Variants in CADM2 observed in about 807,000 individuals in gnomAD.
CADM2 encodes the protein cell adhesion molecule 2, also known as immunoglobulin superfamily member 4D.
Under a neutral mutation model 49.8 loss-of-function variants are expected in CADM2, and 12 were observed. That is an observed-to-expected ratio of 0.24 (90% CI 0.15 to 0.39). The LOEUF is 0.39. CADM2 is among the 10% of genes least tolerant of loss of function. CADM2 has a pLI of 1.00. For missense variants in CADM2, 378 were observed against 492.3 expected (o/e 0.77, Z 2.20); for synonymous variants, 214 against 175.4 (o/e 1.22, Z -1.74).
intron 1 of CADM2, among the ~76,000 whole-genome samples, chr3:85,338,227 T>C (rs1014442259): frequency 6.6e-6 from 1 of 151,652 alleles, no homozygotes; most frequent in African/African-American, 2.4e-5. Context: ...CGCATTAAAC[T>C]TGTGTGTCCC....
At chr3:85,565,946 T>G (rs2107205708) in intron 1 of CADM2, among the ~76,000 whole-genome samples, 1 of 152,200 alleles carries the variant, frequency 6.6e-6, no homozygotes, top group South Asian at 2.1e-4. Flanking sequence ...TCCACTAGAA[T>G]GTACAGTATG....
chr3:85,100,091 C>T (rs562755607), intron 1 of CADM2, among the ~76,000 whole-genome samples: 1 of 152,114 alleles, frequency 6.6e-6, no homozygotes, highest in South Asian at 2.1e-4. Flanking sequence ...CTCTGTTGCT[C>T]TAAATTTTTC....
intron 1 of CADM2, among the ~76,000 whole-genome samples, chr3:85,707,294 A>C (rs930751271): frequency 6.6e-6 from 1 of 151,856 alleles, no homozygotes; most frequent in Non-Finnish European, 1.5e-5. Context: ...GATTTGTCTA[A>C]TATGAGTTTC....
intron 1 of CADM2, among the ~76,000 whole-genome samples, chr3:85,077,999 T>C (rs531526142): frequency 1.3e-5 from 2 of 152,034 alleles, no homozygotes; most frequent in Non-Finnish European, 2.9e-5. Flanking sequence ...TTTATAACTT[T>C]TTGCTCCATT....
intron 1 of CADM2, among the ~76,000 whole-genome samples, chr3:84,999,148 T>C (rs965004076): frequency 1.3e-5 from 2 of 152,158 alleles, no homozygotes; most frequent in Non-Finnish European, 2.9e-5. Context: ...GAGAGGTTTA[T>C]GTATGCAATG....
intron 1 of CADM2, among the ~76,000 whole-genome samples, chr3:85,053,450 C>G (rs2035960255): frequency 6.6e-6 from 1 of 151,896 alleles, no homozygotes; most frequent in Admixed American, 6.6e-5. Context: ...ATTGAAAGAA[C>G]TGGGAGTGTT....
chr3:85,851,008 G>C (rs1352192561), intron 3 of CADM2, among the ~76,000 whole-genome samples: 1 of 152,080 alleles, frequency 6.6e-6, no homozygotes, highest in Non-Finnish European at 1.5e-5. Context: ...ATCCAGTTGA[G>C]AGTAGTCCTC....
At chr3:85,430,670 G>T (rs1301339757) in intron 1 of CADM2, among the ~76,000 whole-genome samples, 1 of 125,926 alleles carries the variant, frequency 7.9e-6, no homozygotes, top group Non-Finnish European at 1.7e-5. Context: ...AGAAAGAGGA[G>T]AAAGACAGAG....
At chr3:85,878,487 G>T (rs1307811682) in intron 3 of CADM2, among the ~76,000 whole-genome samples, 6 of 152,038 alleles carry the variant, frequency 3.9e-5, no homozygotes, top group African/African-American at 1.4e-4. Flanking sequence ...TTTCAGACAT[G>T]AAAATATCTA....
intron 1 of CADM2, among the ~76,000 whole-genome samples, chr3:85,569,737 G>A (rs901183622): frequency 6.7e-6 from 1 of 149,074 alleles, no homozygotes; most frequent in African/African-American, 2.4e-5. Context: ...AAAATAGAAT[G>A]AAATGAGAAA....
chr3:86,061,421 T>C (rs1440571235), intron 8 of CADM2, among the ~76,000 whole-genome samples: 1 of 152,046 alleles, frequency 6.6e-6, no homozygotes. Flanking sequence ...GTAAGTTACA[T>C]AAAATTATTG....
At chr3:86,064,524 A>C (rs543908836) in intron 8 of CADM2, among the ~76,000 whole-genome samples, 1 of 152,312 alleles carries the variant, frequency 6.6e-6, no homozygotes, top group East Asian at 1.9e-4. Context: ...ATGTGTGTGC[A>C]CGTGTCTTTA....
chr3:85,612,964 A>G, intron 1 of CADM2, among the ~76,000 whole-genome samples: 1 of 151,752 alleles, frequency 6.6e-6, no homozygotes, highest in Non-Finnish European at 1.5e-5. Context: ...GTTTAAGTAC[A>G]CTTCTAATTG....
chr3:85,361,435 A>G (rs557247530), intron 1 of CADM2, among the ~76,000 whole-genome samples: 6 of 152,162 alleles, frequency 3.9e-5, no homozygotes, highest in Non-Finnish European at 7.3e-5. Flanking sequence ...TCTCCAAATA[A>G]AATTGTTTTT....
chr3:85,737,102 T>A (rs2107812608), intron 2 of CADM2, among the ~76,000 whole-genome samples: 1 of 152,280 alleles, frequency 6.6e-6, no homozygotes, highest in South Asian at 2.1e-4. Context: ...AGCAGACACC[T>A]AGAATGACAG....
chr3:85,750,694 A>G (rs182318646), intron 2 of CADM2, among the ~76,000 whole-genome samples: 5 of 152,202 alleles, frequency 3.3e-5, no homozygotes, highest in African/African-American at 1.2e-4. Context: ...GTGCCATGGT[A>G]CAGAATATTT....
chr3:85,035,071 G>A (rs1032658163), intron 1 of CADM2, among the ~76,000 whole-genome samples: 4 of 151,964 alleles, frequency 2.6e-5, no homozygotes, highest in East Asian at 3.9e-4. Context: ...AAATTACTGG[G>A]ATTACAGGCA....
rs952876305 is a variant in CADM2 at position 86,068,385 on chromosome 3, T to C, written c.*1602T>C. ...CTAAAGAATAAAACTCCAGTTAGAT[T>C]TAAAAAAATCCCATTTACAAGCATT... is the stretch of plus-strand genomic sequence containing the variant. On this transcript the variant is annotated 3_prime_UTR_variant, in exon 10 of 10. Transcript: ENST00000383699. 5.9e-5 allele frequency: 9 copies of C among 151,926 alleles called. No individual in the cohort carries two copies. The highest frequency in any genetic ancestry group is 2.2e-4 in the African/African-American group (9 of 41,446). The allele number at this position is 151,926 out of a possible 1,614,324, so 9.4% of individuals were successfully genotyped here. A position where few individuals can be genotyped will look rare whatever the true frequency, so the allele number is the denominator to read the frequency against.
chr3:85,909,399 G>A (rs1717255764), intron 5 of CADM2, among the ~76,000 whole-genome samples: 1 of 95,246 alleles, frequency 1.0e-5, no homozygotes, highest in East Asian at 3.4e-4. Context: ...AATGTAAAAT[G>A]AAATATATAT....
Sources: allele counts gnomAD v4.1 joint callset (sites outside exome capture counted in the v4.1 genomes callset), GRCh38; gene constraint gnomAD v4.1.1; transcripts MANE v1.5; gene names NCBI Gene and HGNC (gene_info 2026-07-23, HGNC 2026-07-21).